The following TP53AIP1 variants were observed in gnomAD, a reference collection of about 807,000 sequenced individuals.
TP53AIP1 encodes p53-regulated apoptosis-inducing protein 1.
TP53AIP1 carries 14 observed loss-of-function variants against 9.5 expected under a neutral mutation model. The observed-to-expected ratio is 1.47, with a 90% confidence interval of 0.97 to 2.30. The LOEUF (loss-of-function observed/expected upper bound fraction) is 2.30. Ranked by LOEUF, TP53AIP1 falls within the 30% of genes most tolerant of loss-of-function variation. The probability of loss-of-function intolerance (pLI) is 0.00; values close to 1 mark genes in which losing one functional copy is unlikely to be tolerated. For synonymous variants in TP53AIP1, 73 were observed against 61.2 expected (o/e 1.19, Z -0.90); for missense variants, 153 against 146.7 (o/e 1.04, Z -0.22).
chr11:128,942,025 G>A (rs560055076), intron 1 of TP53AIP1, among the ~76,000 whole-genome samples: 109 of 138,834 alleles, frequency 7.9e-4, no homozygotes, highest in Non-Finnish European at 1.6e-3. Context: ...TCAATCTTCT[G>A]GGGGGCTGTG....
At chr11:128,935,175 A>T (rs997157988), downstream of TP53AIP1, 1 of 1,018,622 alleles carries the variant, frequency 9.8e-7, no homozygotes, top group Non-Finnish European at 1.5e-6. Flanking sequence ...TGGCATCAGC[A>T]GCATCTGCTA....
At chr11:128,934,784 A>G (rs151201071), downstream of TP53AIP1, 352 of 521,892 alleles carry the variant, frequency 6.7e-4, 2 homozygotes, top group Middle Eastern at 5.7e-3. Flanking sequence ...CAAGGGAGGA[A>G]GTGCAGAGAG....
chr11:128,938,513 A>G (rs1944878956), intron 1 of TP53AIP1, among the ~76,000 whole-genome samples: 1 of 152,126 alleles, frequency 6.6e-6, no homozygotes, highest in Non-Finnish European at 1.5e-5. Flanking sequence ...AACCCAGGGA[A>G]GCTGGTGCCC....
At chr11:128,938,677 T>G (rs370877216) in intron 1 of TP53AIP1, among the ~76,000 whole-genome samples, 7 of 152,136 alleles carry the variant, frequency 4.6e-5, no homozygotes, top group Non-Finnish European at 7.4e-5. Context: ...ACTGCCCACA[T>G]CGCTTCCCCA....
rs1944976658 is a variant in TP53AIP1, at chr11:128,942,847, T to G, written c.-130A>C. ...GAAATGGTCTCCTCCTGCACATCTG[T>G]GCTGCTGTGACTGGGTGCAGGTCTG... is the stretch of plus-strand genomic sequence containing the variant. On this transcript the variant is annotated 5_prime_UTR_variant, in exon 1 of 4. Transcript: ENST00000531399. The G allele has an allele frequency of 6.6e-6, 1 of 152,456 alleles. No individual in the cohort carries two copies. The highest frequency in any genetic ancestry group is 1.5e-5 in the Non-Finnish European group (1 of 68,202). The allele number at this position is 152,456 out of a possible 1,614,324, so 9.4% of individuals were successfully genotyped here. A position where few individuals can be genotyped will look rare whatever the true frequency, so the allele number is the denominator to read the frequency against.
rs769293901 is a variant in TP53AIP1 at position 128,937,832 on chromosome 11, T to C, written c.-14A>G. 1.3e-6 allele frequency: 2 copies of C among 1,595,628 alleles called. No individual in the cohort carries two copies. Among genetic ancestry groups the C allele is most frequent in the South Asian group, 2.2e-5 (2 of 89,640 alleles). On this transcript the variant is annotated 5_prime_UTR_variant, in exon 2 of 4. Coordinates refer to ENST00000531399, the MANE Select transcript of TP53AIP1 (RefSeq NM_022112.3). The surrounding 1 kb of genome is among the most constrained non-coding windows in gnomAD (Gnocchi z 4.8). ...GGAAGATCCCATCCAGGGGAGGCCCTGTCTGCAGAAAGCAGAGAACTTGGC... is the reference window on the plus strand; with the variant it reads ...GGAAGATCCCATCCAGGGGAGGCCCCGTCTGCAGAAAGCAGAGAACTTGGC...
In TP53AIP1 at chr11:128,940,049, C is replaced by T. The variant is rs1261082544; in HGVS notation, c.-76-2155G>A. On this transcript the variant is annotated intron_variant, in intron 1 of 3. Coordinates refer to ENST00000531399, the MANE Select transcript of TP53AIP1 (RefSeq NM_022112.3). Reference sequence around the variant, plus strand: ...AGCCCCCCCTTGCTCCAGCTCTGACCATAGTGCCCTCAACACAGGGCCCTG... The same window carrying T: ...AGCCCCCCCTTGCTCCAGCTCTGACTATAGTGCCCTCAACACAGGGCCCTG... Among the ~76,000 whole-genome samples the T allele has an allele frequency of 5.3e-5, 8 of 152,174 alleles. No individual in the cohort carries two copies. In the East Asian group the frequency reaches 1.4e-3, roughly 26 times the overall value.
At position 128,935,723 on chromosome 11, in the gene TP53AIP1, A is replaced by G. The variant is rs1280679542; in HGVS notation, c.254-11T>C. 6.4e-7 allele frequency: 1 copy of G among 1,552,506 alleles called. No individual in the cohort carries two copies. Among genetic ancestry groups the G allele is most frequent in the Non-Finnish European group, 8.6e-7 (1 of 1,157,320 alleles). ...GACCTAGACCAAGGCCTCAGTAGGG[A>G]GGGAGAGAATTTACTCTTTGCAAAA... On this transcript the variant is annotated splice_polypyrimidine_tract_variant and intron_variant, in intron 3 of 3. Transcript: ENST00000531399.
In TP53AIP1 at chr11:128,937,717, C is replaced by T. The variant is rs1466349848; in HGVS notation, c.102G>A (p.Met34Ile). ...LGRGDQNLSV[M>I]PPNGRAQTHT... ...GTGTCTGAGCCCTGCCATTCGGAGG[C>T]ATCACCGAGAGGTTCTGGTCTCCCC... Residue 34 changes from methionine (M) to isoleucine (I), a missense_variant, in exon 2 of 4, where the codon ATG becomes ATA. By Grantham distance (10) the Met-to-Ile change is conservative. Transcript: ENST00000531399. The surrounding 1 kb of genome is among the most constrained non-coding windows in gnomAD (Gnocchi z 4.8). 8 of 1,614,154 alleles carry T rather than the reference C, an allele frequency of 5.0e-6. No individual in the cohort carries two copies. The highest frequency in any genetic ancestry group is 6.8e-6 in the Non-Finnish European group (8 of 1,180,022).
chr11:128,935,079 C>T (rs921699148), downstream of TP53AIP1: 4 of 705,120 alleles, frequency 5.7e-6, no homozygotes, highest in Non-Finnish European at 1.0e-5. Context: ...GCTATCAATG[C>T]CGGGGCTTGT....
chr11:128,938,084 C>A (rs1944868778), intron 1 of TP53AIP1, among the ~76,000 whole-genome samples, 190 bp from the exon 2 acceptor site: 1 of 151,714 alleles, frequency 6.6e-6, no homozygotes, highest in African/African-American at 2.4e-5. Context: ...AAACTGAAGC[C>A]ATTTGTGCTG....
intron 1 of TP53AIP1, among the ~76,000 whole-genome samples, chr11:128,942,462 G>C (rs1192866106): frequency 2.6e-5 from 4 of 152,334 alleles, no homozygotes; most frequent in Middle Eastern, 3.4e-3. Flanking sequence ...GTGTGGCTCA[G>C]GACGCACAGC....
intron 3 of TP53AIP1, chr11:128,936,259 T>C: frequency 8.4e-7 from 1 of 1,186,358 alleles, no homozygotes; most frequent in South Asian, 2.5e-5. Flanking sequence ...CAGCATCCTA[T>C]GGCCCATTCC....
downstream of TP53AIP1, chr11:128,935,270 C>T (rs186178257): frequency 3.1e-4 from 442 of 1,430,012 alleles, 2 homozygotes; most frequent in African/African-American, 2.9e-3. Context: ...TGTGAGACAA[C>T]GCTTGGAGCA....
In TP53AIP1 at chr11:128,937,124, G is replaced by GC; in HGVS notation, c.142-476dup. ...CTGCCTGTGCTGGGATGAATGCATG[G>GC]CCCCTGCATCCTTACCCCCTCCTCA... On this transcript the variant is annotated intron_variant, in intron 2 of 3. Coordinates refer to ENST00000531399, the MANE Select transcript of TP53AIP1 (RefSeq NM_022112.3). The surrounding 1 kb of genome is among the most constrained non-coding windows in gnomAD (Gnocchi z 4.8). The GC allele has an allele frequency of 9.4e-7, 1 of 1,065,020 alleles. No homozygotes were observed. Among genetic ancestry groups the GC allele is most frequent in the Non-Finnish European group, 1.1e-6 (1 of 880,888 alleles). The allele number at this position is 1,065,020 out of a possible 1,614,324, so 66.0% of individuals were successfully genotyped here. A position where few individuals can be genotyped will look rare whatever the true frequency, so the allele number is the denominator to read the frequency against.
rs762014792 is a variant in TP53AIP1 at position 128,936,656 on chromosome 11, G to A, written c.142-7C>T. On this transcript the variant is annotated splice_polypyrimidine_tract_variant and splice_region_variant and intron_variant, in intron 2 of 3. Coordinates refer to ENST00000531399, the MANE Select transcript of TP53AIP1 (RefSeq NM_022112.3). ...AAACTAAGGGATCTGAAACCTGAGA[G>A]GAAATGGAAGCAGACTGTGAGGCCC... 2 of 1,573,982 alleles carry A rather than the reference G, an allele frequency of 1.3e-6. No homozygotes were observed. The highest frequency in any genetic ancestry group is 1.8e-5 in the Admixed American group (1 of 56,420).
chr11:128,937,874 TTAGGG>T lies in TP53AIP1; in HGVS notation c.-61_-57del. On this transcript the variant is annotated 5_prime_UTR_variant, in exon 2 of 4. The change abolishes the stop of an existing upstream ORF in the 5' untranslated region. Coordinates refer to ENST00000531399, the MANE Select transcript of TP53AIP1 (RefSeq NM_022112.3). This position sits in a 1 kb window ranked among gnomAD's most constrained non-coding sequence, Gnocchi z 4.8. ...GAACTTGGCTTCTCCTCATTTGTTG[TTAGGG>T]CCAGTCCCTAAGGGACTAAAAACAA... The T allele has an allele frequency of 6.5e-7, 1 of 1,546,092 alleles. No homozygotes were observed. Among genetic ancestry groups the T allele is most frequent in the Non-Finnish European group, 8.7e-7 (1 of 1,146,804 alleles).
At chr11:128,938,031 CT>C (rs1413507172) in intron 1 of TP53AIP1, 137 bp from the exon 2 acceptor site, 3 of 593,314 alleles carry the variant, frequency 5.1e-6, no homozygotes, top group Non-Finnish European at 5.8e-6. Flanking sequence ...GACCCTAGGG[CT>C]GGGCTGTAAC....
At chr11:128,936,842 C>A in intron 2 of TP53AIP1, 193 bp from the exon 3 acceptor site, 1 of 1,417,338 alleles carries the variant, frequency 7.1e-7, no homozygotes, top group Non-Finnish European at 9.2e-7. Flanking sequence ...TCCTCAAGGT[C>A]AGTGGTGCAA....
Sources: allele counts gnomAD v4.1 joint callset (sites outside exome capture counted in the v4.1 genomes callset), GRCh38; gene constraint gnomAD v4.1.1; non-coding constraint Gnocchi (gnomAD v3.1); transcripts MANE v1.5; gene names NCBI Gene and HGNC (gene_info 2026-07-23, HGNC 2026-07-21).